Variants in IKBKB-DT observed in about 807,000 individuals in gnomAD.
IKBKB-DT encodes IKBKB antisense RNA.
chr8:42,255,873 A>G (rs1394631734), intron 3 of IKBKB-DT, among the ~76,000 whole-genome samples: 1 of 151,968 alleles, frequency 6.6e-6, no homozygotes, highest in Non-Finnish European at 1.5e-5. Flanking sequence ...AAAATACAAA[A>G]AAATTAGTCA....
intron 3 of IKBKB-DT, among the ~76,000 whole-genome samples, chr8:42,246,012 A>T (rs1354173544): frequency 2.0e-5 from 3 of 152,170 alleles, no homozygotes; most frequent in Non-Finnish European, 4.4e-5. Context: ...ATAAGATCTG[A>T]TGCAGAGATA....
intron 3 of IKBKB-DT, among the ~76,000 whole-genome samples, chr8:42,262,574 G>A (rs1214767387): frequency 6.6e-6 from 1 of 151,834 alleles, no homozygotes; most frequent in Non-Finnish European, 1.5e-5. Context: ...TGAGTAGCTG[G>A]GACTACAGGC....
At chr8:42,242,981 T>C (rs185135282) in intron 3 of IKBKB-DT, among the ~76,000 whole-genome samples, 1 of 152,252 alleles carries the variant, frequency 6.6e-6, no homozygotes, top group African/African-American at 2.4e-5. Context: ...AAGTGGCTTT[T>C]ATTCCAAAGC....
intron 3 of IKBKB-DT, among the ~76,000 whole-genome samples, chr8:42,242,671 A>G (rs979014249): frequency 6.6e-6 from 1 of 152,144 alleles, no homozygotes; most frequent in Non-Finnish European, 1.5e-5. Context: ...GCTGATGCCT[A>G]CAGTCCTTCC....
intron 1 of IKBKB-DT, among the ~76,000 whole-genome samples, chr8:42,267,287 C>T (rs1172929432): frequency 2.6e-5 from 4 of 152,134 alleles, no homozygotes; most frequent in Non-Finnish European, 5.9e-5. Flanking sequence ...AGTGAGCCAC[C>T]ATGCCTGGCC....
At chr8:42,259,994 A>AT (rs1206141491) in intron 3 of IKBKB-DT, among the ~76,000 whole-genome samples, 1 of 150,746 alleles carries the variant, frequency 6.6e-6, no homozygotes, top group Non-Finnish European at 1.5e-5. Context: ...AAAAAAAAAA[A>AT]CAAAAAAAAA....
At chr8:42,256,407 C>CA (rs111851763) in intron 3 of IKBKB-DT, among the ~76,000 whole-genome samples, 6,703 of 110,864 alleles carry the variant, frequency 0.06, 434 homozygotes, top group African/African-American at 0.18. Flanking sequence ...ACCAAAAATA[C>CA]AAAAAAAAAA....
At chr8:42,251,423 C>A (rs143682512) in intron 3 of IKBKB-DT, among the ~76,000 whole-genome samples, 2 of 152,058 alleles carry the variant, frequency 1.3e-5, no homozygotes, top group Non-Finnish European at 2.9e-5. Context: ...AAGTTGCTTA[C>A]GGAAGGTTTA....
rs1457170505 is a variant in IKBKB-DT, at chr8:42,260,174, C to T, written n.1529+3155G>A. Among the ~76,000 whole-genome samples the T allele has an allele frequency of 3.3e-5, 5 of 151,952 alleles. No homozygotes were observed. The East Asian group carries it at 9.7e-4, about 29-fold the overall frequency. On this transcript the variant is annotated intron_variant and non_coding_transcript_variant, in intron 3 of 3. Coordinates refer to ENST00000518213, the Ensembl canonical transcript of IKBKB-DT. ...TTATCCTCAGAAAAACTGTGCCAACCATAGGGAAGTGACAGAGTTGGTTGA... is the reference window on the plus strand; with the variant it reads ...TTATCCTCAGAAAAACTGTGCCAACTATAGGGAAGTGACAGAGTTGGTTGA...
chr8:42,241,848 A>C (rs1807008467), intron 3 of IKBKB-DT, among the ~76,000 whole-genome samples: 1 of 152,312 alleles, frequency 6.6e-6, no homozygotes, highest in South Asian at 2.1e-4. Context: ...TATGGAACTC[A>C]AGCTTCAGTT....
intron 3 of IKBKB-DT, among the ~76,000 whole-genome samples, chr8:42,237,145 G>A (rs544417847): frequency 5.3e-5 from 8 of 151,994 alleles, no homozygotes; most frequent in African/African-American, 1.7e-4. Context: ...GGAGTGGAGT[G>A]GTACAATCTC....
At position 42,254,612 on chromosome 8, in the gene IKBKB-DT, G is replaced by A. The variant is rs936904110; in HGVS notation, n.1529+8717C>T. Among the ~76,000 whole-genome samples, 62 of 144,764 alleles carry A rather than the reference G, an allele frequency of 4.3e-4. 1 individual carries two copies. Among genetic ancestry groups the A allele is most frequent in the Admixed American group, 6.9e-4 (10 of 14,418 alleles). 95.0% of individuals were successfully genotyped at this position (144,764 alleles called of 152,430 possible). ...TGGGAAGTGAGAAGCACCTCTCCCC[G>A]GCTGCCCAACTGACTGGGAAGTGAG... On this transcript the variant is annotated intron_variant and non_coding_transcript_variant, in intron 3 of 3. Coordinates refer to ENST00000518213, the Ensembl canonical transcript of IKBKB-DT.
chr8:42,234,717 C>T (rs569673417), intron 3 of IKBKB-DT, among the ~76,000 whole-genome samples: 2 of 152,242 alleles, frequency 1.3e-5, no homozygotes, highest in African/African-American at 4.8e-5. Flanking sequence ...GCAACCTCCA[C>T]CTCCCAAGTT....
chr8:42,270,903 A>AG (rs1201088867), exon 1 of IKBKB-DT: 2 of 168,024 alleles, frequency 1.2e-5, no homozygotes, highest in Non-Finnish European at 2.6e-5. Flanking sequence ...AGCACCCCCC[A>AG]GACAGGGGAG....
intron 3 of IKBKB-DT, among the ~76,000 whole-genome samples, chr8:42,239,186 G>A (rs1806966366): frequency 6.6e-6 from 1 of 151,984 alleles, no homozygotes; most frequent in South Asian, 2.1e-4. Flanking sequence ...AAAGTCCATG[G>A]ATCAATCAAA....
In IKBKB-DT at chr8:42,253,406, C is replaced by T. The variant is rs572103987; in HGVS notation, n.1529+9923G>A. Among the ~76,000 whole-genome samples the T allele has an allele frequency of 3.3e-5, 5 of 152,230 alleles. No individual in the cohort carries two copies. The East Asian group carries it at 7.7e-4, about 24-fold the overall frequency. Reference sequence around the variant, plus strand: ...TCAATCAAAGAGTCTGACTCTTCATCGATACTCTAAAGTTAATATCAAGTC... The same window carrying T: ...TCAATCAAAGAGTCTGACTCTTCATTGATACTCTAAAGTTAATATCAAGTC... On this transcript the variant is annotated intron_variant and non_coding_transcript_variant, in intron 3 of 3. Transcript: ENST00000518213.
intron 3 of IKBKB-DT, among the ~76,000 whole-genome samples, chr8:42,252,957 T>A (rs1807147116): frequency 6.6e-6 from 1 of 152,216 alleles, no homozygotes; most frequent in Non-Finnish European, 1.5e-5. Context: ...TATTTTGAAA[T>A]GGCCCTGCAA....
intron 3 of IKBKB-DT, among the ~76,000 whole-genome samples, chr8:42,239,651 T>TTCA (rs1806975705): frequency 4.2e-5 from 5 of 118,860 alleles, no homozygotes; most frequent in African/African-American, 9.1e-5. Context: ...TATTTATTCA[T>TTCA]TTTTTTTTTT....
chr8:42,250,381 G>A (rs111862440), intron 3 of IKBKB-DT, among the ~76,000 whole-genome samples: 1 of 152,156 alleles, frequency 6.6e-6, no homozygotes, highest in Non-Finnish European at 1.5e-5. Flanking sequence ...GATGTTATCT[G>A]CAGGGGTAAT....
Sources: allele counts gnomAD v4.1 joint callset (sites outside exome capture counted in the v4.1 genomes callset), GRCh38; gene constraint gnomAD v4.1.1; transcripts MANE v1.5; gene names NCBI Gene and HGNC (gene_info 2026-07-23, HGNC 2026-07-21).